The following C10orf90 variants were observed in gnomAD, a reference collection of about 807,000 sequenced individuals.
C10orf90 encodes the protein (E2-independent) E3 ubiquitin-conjugating enzyme FATS.
C10orf90 carries 56 observed loss-of-function variants against 62.5 expected under a neutral mutation model. That is an observed-to-expected ratio of 0.90 (90% CI 0.72 to 1.12). The LOEUF (loss-of-function observed/expected upper bound fraction) is 1.12. Ranked by LOEUF, C10orf90 falls within the 50% of genes most tolerant of loss-of-function variation. The probability of loss-of-function intolerance (pLI) is 0.00; values close to 1 mark genes in which losing one functional copy is unlikely to be tolerated. For missense variants in C10orf90, 970 were observed against 880.4 expected, an observed-to-expected ratio of 1.10 and a Z score of -1.29; for synonymous variants, 386 against 340.4, an observed-to-expected ratio of 1.13 and a Z score of -1.47.
intron 7 of C10orf90, among the ~76,000 whole-genome samples, chr10:126,435,615 C>G (rs894147693): frequency 6.6e-6 from 1 of 152,130 alleles, no homozygotes; most frequent in African/African-American, 2.4e-5. Context: ...GGCACAGGAC[C>G]AGAGCTTTGC....
At chr10:126,523,936 G>A (rs1564856428) in intron 2 of C10orf90, among the ~76,000 whole-genome samples, 1 of 152,130 alleles carries the variant, frequency 6.6e-6, no homozygotes, top group Non-Finnish European at 1.5e-5. Flanking sequence ...ATATGCTATT[G>A]AATGTATATA....
At position 126,670,282 on chromosome 10, in the gene C10orf90, G is replaced by A. The variant is rs1379454434; in HGVS notation, c.199C>T (p.Gln67Ter). Residue 67 changes from glutamine to a stop codon, truncating the protein, a stop_gained, in exon 1 of 10, where the codon CAA becomes TAA. Transcript: ENST00000488181. LOFTEE classifies it high-confidence loss of function. ...GTCTGCTCAGCCGTCTTCAAGCCTT[G>A]ACACATATGGATGATACAAACTTTG... ...RAKVCIIHMC[Q>*]GLKTAEQTAS... The A allele has an allele frequency of 2.2e-6, 1 of 456,648 alleles. No individual in the cohort carries two copies. Among genetic ancestry groups the A allele is most frequent in the Admixed American group, 2.3e-5 (1 of 42,568 alleles). 28.3% of individuals were successfully genotyped at this position (456,648 alleles called of 1,614,324 possible).
At chr10:126,649,034 GTCTCTC>G (rs1196569277) in intron 1 of C10orf90, among the ~76,000 whole-genome samples, 620 of 26,482 alleles carry the variant, frequency 0.023, 7 homozygotes, top group South Asian at 0.04. Context: ...CTCTGTCTCT[GTCTCTC>G]TCTCTCTCTC....
At chr10:126,497,650 C>A (rs1050978344) in intron 4 of C10orf90, among the ~76,000 whole-genome samples, 1 of 152,138 alleles carries the variant, frequency 6.6e-6, no homozygotes, top group African/African-American at 2.4e-5. Flanking sequence ...CCAAAGTCAC[C>A]CAGAGGGTCT....
chr10:126,491,490 C>A (rs905750244), intron 4 of C10orf90, among the ~76,000 whole-genome samples: 4 of 151,990 alleles, frequency 2.6e-5, no homozygotes, highest in Non-Finnish European at 5.9e-5. Flanking sequence ...AGTACAGAAC[C>A]GGGTCTTTTT....
chr10:126,565,324 T>C (rs1273472696), intron 2 of C10orf90, among the ~76,000 whole-genome samples: 8 of 53,694 alleles, frequency 1.5e-4, no homozygotes, highest in Non-Finnish European at 2.2e-4. Flanking sequence ...ATATATATTA[T>C]ATATTTATAT....
At chr10:126,637,019 A>AC (rs1035833214) in intron 2 of C10orf90, among the ~76,000 whole-genome samples, 1 of 152,116 alleles carries the variant, frequency 6.6e-6, no homozygotes. Context: ...CTCTTGATAT[A>AC]CAACTAACAA....
intron 8 of C10orf90, among the ~76,000 whole-genome samples, chr10:126,428,347 T>G (rs1857377951): frequency 6.6e-6 from 1 of 152,182 alleles, no homozygotes; most frequent in Non-Finnish European, 1.5e-5. Flanking sequence ...ACTTTAGCTT[T>G]ATCTCCATTG....
chr10:126,645,005 G>A (rs931395247), intron 2 of C10orf90, among the ~76,000 whole-genome samples: 35 of 151,804 alleles, frequency 2.3e-4, no homozygotes, highest in African/African-American at 7.7e-4. Context: ...GTAAACTATC[G>A]CAAGAACAAA....
In C10orf90 at chr10:126,506,761, T is replaced by C. The variant is rs142916088; in HGVS notation, c.406-1676A>G. The stretch of plus-strand genomic sequence containing the variant: ...TTGGAGAGGAAGGGCCTATGTGTGT[T>C]GGAAGCAGGGTATTTGCTCATTCCA... On this transcript the variant is annotated intron_variant, in intron 3 of 9. Coordinates refer to ENST00000488181, the MANE Select transcript of C10orf90 (RefSeq NM_001350921.2). Among the ~76,000 whole-genome samples the C allele has an allele frequency of 2.6e-5, 4 of 152,314 alleles. No homozygotes were observed. The East Asian group carries it at 7.7e-4, about 29-fold the overall frequency.
At chr10:126,536,145 G>A (rs1181247655) in intron 2 of C10orf90, among the ~76,000 whole-genome samples, 2 of 152,196 alleles carry the variant, frequency 1.3e-5, no homozygotes, top group East Asian at 1.9e-4. Flanking sequence ...CTTCGACAGG[G>A]ACAATCAGCT....
intron 2 of C10orf90, chr10:126,521,528 AG>A (rs1221992678): frequency 1.5e-6 from 2 of 1,292,736 alleles, no homozygotes; most frequent in Middle Eastern, 2.8e-4. Context: ...CAGGGCAACC[AG>A]GGGAGGTGGC....
At chr10:126,436,892 G>A (rs1209068955) in intron 7 of C10orf90, among the ~76,000 whole-genome samples, 1 of 151,972 alleles carries the variant, frequency 6.6e-6, no homozygotes, top group East Asian at 1.9e-4. Flanking sequence ...TTAAATTCCT[G>A]GCCTCAAGCT....
chr10:126,462,608 G>T (rs1470716802), intron 5 of C10orf90, among the ~76,000 whole-genome samples: 1 of 152,180 alleles, frequency 6.6e-6, no homozygotes, highest in African/African-American at 2.4e-5. Flanking sequence ...TCCGTCGAGG[G>T]CTGGACCATA....
intron 2 of C10orf90, among the ~76,000 whole-genome samples, chr10:126,593,311 A>G (rs1335351335): frequency 3.3e-5 from 5 of 152,240 alleles, no homozygotes; most frequent in African/African-American, 9.6e-5. Context: ...GATAGAATGG[A>G]TAAAGAAAAT....
chr10:126,630,092 G>C (rs901127453), intron 2 of C10orf90, among the ~76,000 whole-genome samples: 1 of 152,220 alleles, frequency 6.6e-6, no homozygotes, highest in African/African-American at 2.4e-5. Context: ...CTGCATGCAA[G>C]GCCTGGTGCC....
chr10:126,594,938 T>C (rs111264974), intron 2 of C10orf90, among the ~76,000 whole-genome samples: 32 of 152,308 alleles, frequency 2.1e-4, no homozygotes, highest in African/African-American at 7.5e-4. Flanking sequence ...GGGAAGGCCC[T>C]GGAGAGTCTT....
intron 8 of C10orf90, among the ~76,000 whole-genome samples, chr10:126,428,371 C>T (rs1050625020): frequency 1.5e-4 from 23 of 152,080 alleles, no homozygotes; most frequent in African/African-American, 5.3e-4. Context: ...GCATTTTTAA[C>T]ATAAAAATGT....
chr10:126,446,376 A>G (rs1858781831), intron 7 of C10orf90, among the ~76,000 whole-genome samples: 1 of 152,150 alleles, frequency 6.6e-6, no homozygotes, highest in African/African-American at 2.4e-5. Context: ...GAATCTTAAA[A>G]GCAGCAAAAG....
Sources: gnomAD v4.1 joint callset for allele counts (sites outside exome capture counted in the v4.1 genomes callset) on GRCh38, gnomAD v4.1.1 for gene constraint, MANE v1.5 for transcripts, NCBI Gene and HGNC (gene_info 2026-07-23, HGNC 2026-07-21) for gene names.